The following KCNK2 variants were observed in gnomAD, a reference collection of about 807,000 sequenced individuals.
KCNK2 encodes potassium two pore domain channel subfamily K member 2.
KCNK2 carries 21 observed loss-of-function variants against 40.5 expected under a neutral mutation model. The observed-to-expected ratio is 0.52, with a 90% CI of 0.37 to 0.75. KCNK2 has a LOEUF of 0.75. KCNK2 is among the 30% of genes least tolerant of loss of function. The pLI, the probability that KCNK2 is intolerant of heterozygous loss-of-function variation, is 0.00. For missense variants in KCNK2, 399 were observed against 531.6 expected, an observed-to-expected ratio of 0.75 and a Z score of 2.45; for synonymous variants, 191 against 202.2, an observed-to-expected ratio of 0.94 and a Z score of 0.47.
upstream of KCNK2, among the ~76,000 whole-genome samples, chr1:215,078,568 C>A (rs1252686547): frequency 6.6e-6 from 1 of 152,092 alleles, no homozygotes; most frequent in East Asian, 1.9e-4. Flanking sequence ...AACTCACTAT[C>A]ATGAGAACAG....
At chr1:215,207,643 T>A (rs57416025) in intron 6 of KCNK2, among the ~76,000 whole-genome samples, 1 of 152,226 alleles carries the variant, frequency 6.6e-6, no homozygotes, top group African/African-American at 2.4e-5. Flanking sequence ...GTAGTCACTT[T>A]CATAATGAAG....
At chr1:215,104,853 GT>G (rs911703277) in intron 2 of KCNK2, among the ~76,000 whole-genome samples, 11 of 151,652 alleles carry the variant, frequency 7.3e-5, no homozygotes, top group Middle Eastern at 3.4e-3. Flanking sequence ...GGGCTATGGG[GT>G]TTTTTTTCTA....
intron 1 of KCNK2, among the ~76,000 whole-genome samples, chr1:215,064,051 T>C (rs1658451377): frequency 6.6e-6 from 1 of 152,146 alleles, no homozygotes; most frequent in African/African-American, 2.4e-5. Context: ...ATGAGGGGAA[T>C]GTGTGTGTGA....
At chr1:215,017,021 A>G (rs1461505844) in intron 1 of KCNK2, among the ~76,000 whole-genome samples, 1 of 152,164 alleles carries the variant, frequency 6.6e-6, no homozygotes, top group East Asian at 1.9e-4. Context: ...AGGGAAATGC[A>G]AATTAAAACC....
At chr1:215,159,490 C>T (rs1663095107) in intron 3 of KCNK2, among the ~76,000 whole-genome samples, 1 of 152,072 alleles carries the variant, frequency 6.6e-6, no homozygotes, top group Admixed American at 6.6e-5. Context: ...GGGACAGAGG[C>T]GGACGGTTAT....
At chr1:215,154,078 A>G (rs1438245410) in intron 3 of KCNK2, among the ~76,000 whole-genome samples, 2 of 152,186 alleles carry the variant, frequency 1.3e-5, no homozygotes, top group African/African-American at 2.4e-5. Flanking sequence ...TCTTTATAGT[A>G]GAATGATTTA....
At chr1:215,222,531 A>T (rs952373267) in intron 6 of KCNK2, among the ~76,000 whole-genome samples, 1 of 152,190 alleles carries the variant, frequency 6.6e-6, no homozygotes, top group Non-Finnish European at 1.5e-5. Flanking sequence ...CATTGTCTTT[A>T]AAAAGATTAA....
intron 6 of KCNK2, among the ~76,000 whole-genome samples, chr1:215,213,621 G>T (rs1665834977): frequency 2.0e-5 from 3 of 151,858 alleles, no homozygotes; most frequent in Admixed American, 2.0e-4. Flanking sequence ...CAAAGAAAAA[G>T]AAGTTATCCT....
chr1:215,066,327 T>C (rs1212801556), intron 1 of KCNK2, among the ~76,000 whole-genome samples: 1 of 152,104 alleles, frequency 6.6e-6, no homozygotes, highest in Non-Finnish European at 1.5e-5. Context: ...GTGCACAAAA[T>C]AATTGATAGA....
intron 3 of KCNK2, among the ~76,000 whole-genome samples, chr1:215,157,594 CTTATT>C (rs1375101375): frequency 6.6e-6 from 1 of 152,116 alleles, no homozygotes; most frequent in African/African-American, 2.4e-5. Context: ...GTATGAATAC[CTTATT>C]TTAAGAGTTA....
chr1:215,096,614 T>G (rs1257153505), intron 2 of KCNK2, among the ~76,000 whole-genome samples: 1 of 151,984 alleles, frequency 6.6e-6, no homozygotes. Context: ...GTAGGGTGGA[T>G]CATAGGGAAC....
At chr1:215,188,201 T>A (rs1556904) in intron 5 of KCNK2, among the ~76,000 whole-genome samples, 1 of 152,162 alleles carries the variant, frequency 6.6e-6, no homozygotes, top group Non-Finnish European at 1.5e-5. Context: ...TAGTTTTGAA[T>A]GCTTACCAGG....
chr1:215,037,002 C>CTTTTTTTTTTTTTTTTTTTTTCTTTT (rs3033912), intron 1 of KCNK2, among the ~76,000 whole-genome samples: 1 of 125,854 alleles, frequency 7.9e-6, no homozygotes, highest in African/African-American at 3.0e-5. Context: ...CCTTTTATTC[C>CTTTTTTTTTTTTTTTTTTTTTCTTTT]TTTTTTTTTT....
chr1:215,020,052 C>A (rs1656736483), intron 1 of KCNK2, among the ~76,000 whole-genome samples: 1 of 152,118 alleles, frequency 6.6e-6, no homozygotes, highest in Non-Finnish European at 1.5e-5. Context: ...AAGTTCATAG[C>A]ATTAATTATC....
At chr1:215,026,179 A>G (rs1656992854) in intron 1 of KCNK2, among the ~76,000 whole-genome samples, 3 of 151,770 alleles carry the variant, frequency 2.0e-5, no homozygotes, top group South Asian at 2.1e-4. Flanking sequence ...TCTGTTGCTC[A>G]TTTTTCTTGT....
At chr1:215,037,467 G>A (rs939695855) in intron 1 of KCNK2, among the ~76,000 whole-genome samples, 3 of 151,924 alleles carry the variant, frequency 2.0e-5, no homozygotes, top group African/African-American at 7.2e-5. Flanking sequence ...CTAAGTTCAT[G>A]AGGGATATTG....
chr1:215,178,990 G>A (rs1299038106), intron 5 of KCNK2, among the ~76,000 whole-genome samples: 1 of 87,788 alleles, frequency 1.1e-5, no homozygotes, highest in Admixed American at 1.1e-4. Context: ...GATTCCTTTG[G>A]TTGGTAGATT....
chr1:215,053,508 T>A (rs1321891795), intron 1 of KCNK2, among the ~76,000 whole-genome samples: 1 of 152,198 alleles, frequency 6.6e-6, no homozygotes, highest in Non-Finnish European at 1.5e-5. Context: ...TGGTGGAAGA[T>A]GTTAAATGTA....
chr1:215,112,112 T>A (rs971722202), intron 2 of KCNK2, among the ~76,000 whole-genome samples: 1 of 151,966 alleles, frequency 6.6e-6, no homozygotes, highest in Non-Finnish European at 1.5e-5. Flanking sequence ...GCGTGTTAGG[T>A]CCTGTTAATG....
Sources: allele counts gnomAD v4.1 joint callset (sites outside exome capture counted in the v4.1 genomes callset), GRCh38; gene constraint gnomAD v4.1.1; transcripts MANE v1.5; gene names NCBI Gene and HGNC (gene_info 2026-07-23, HGNC 2026-07-21).